GRAMD2A: variants seen among roughly 807,000 people sequenced by gnomAD.
GRAMD2A encodes GRAM domain-containing protein 2A.
In GRAMD2A, 37 loss-of-function variants were observed where a neutral mutation model predicts 51.1. The ratio of observed to expected loss-of-function variants is 0.72; its 90% CI spans 0.56 to 0.95. The LOEUF is 0.95. Ranked by LOEUF, GRAMD2A falls within the 40% of genes least tolerant of loss-of-function variation. GRAMD2A has a pLI of 0.00. For synonymous variants in GRAMD2A, 136 were observed against 157.1 expected, an observed-to-expected ratio of 0.87 and a Z score of 1.01; for missense variants, 414 against 426.9, an observed-to-expected ratio of 0.97 and a Z score of 0.27.
intron 1 of GRAMD2A, among the ~76,000 whole-genome samples, chr15:72,194,263 C>T (rs1006474249): frequency 6.6e-6 from 1 of 152,216 alleles, no homozygotes; most frequent in Non-Finnish European, 1.5e-5. Context: ...CACCAGATGT[C>T]AGAGTGGAAT....
intron 1 of GRAMD2A, among the ~76,000 whole-genome samples, chr15:72,174,160 A>G (rs1230167515): frequency 3.3e-5 from 5 of 152,106 alleles, no homozygotes; most frequent in Non-Finnish European, 5.9e-5. Flanking sequence ...TCTCCCCTGT[A>G]GTGTTTATTT....
intron 11 of GRAMD2A, 103 bp downstream of exon 11, chr15:72,162,170 G>T: frequency 2.2e-6 from 3 of 1,334,890 alleles, no homozygotes; most frequent in Non-Finnish European, 3.2e-6. Context: ...TCAGAAGCCA[G>T]CTCAAAACAG....
rs1433854696 is a variant in GRAMD2A at position 72,170,632 on chromosome 15, CTT to C, written c.42-695_42-694del. Among the ~76,000 whole-genome samples, 1 of 152,148 alleles carries C rather than the reference CTT, an allele frequency of 6.6e-6. No individual in the cohort carries two copies. Among genetic ancestry groups the C allele is most frequent in the Non-Finnish European group, 1.5e-5 (1 of 68,030 alleles). ...TGGGCAGGTCGGGCTCTCCAATGGC[CTT>C]TGAGTTCCTGCCTCCACTAATCGCT... On this transcript the variant is annotated intron_variant, in intron 1 of 11. Coordinates refer to ENST00000309731, the MANE Select transcript of GRAMD2A (RefSeq NM_001012642.3). The surrounding 1 kb of genome is among the most constrained non-coding windows in gnomAD (Gnocchi z 4.5).
rs983645268 is a variant in GRAMD2A at position 72,167,221 on chromosome 15, T to G, written c.373-129A>C. On this transcript the variant is annotated intron_variant, in intron 5 of 11. Coordinates refer to ENST00000309731, the MANE Select transcript of GRAMD2A (RefSeq NM_001012642.3). ...GGAAGCCTGGCCCCATGTGGGGAAG[T>G]CTCTGAACCTTCTACCTTTTCATCC... is the stretch of plus-strand genomic sequence containing the variant. The G allele has an allele frequency of 2.0e-5, 14 of 694,594 alleles. No individual in the cohort carries two copies. The African/African-American group carries it at 2.5e-4, about 12-fold the overall frequency. 43.0% of individuals were successfully genotyped at this position (694,594 alleles called of 1,614,324 possible). A position where few individuals can be genotyped will look rare whatever the true frequency, so the allele number is the denominator to read the frequency against.
At chr15:72,178,477 G>A (rs915671069) in intron 1 of GRAMD2A, among the ~76,000 whole-genome samples, 3 of 151,894 alleles carry the variant, frequency 2.0e-5, no homozygotes, top group African/African-American at 4.8e-5. Context: ...GAGAGAGGCA[G>A]GCTTATTATC....
intron 1 of GRAMD2A, among the ~76,000 whole-genome samples, chr15:72,172,583 A>G (rs1166348737): frequency 6.6e-6 from 1 of 151,652 alleles, no homozygotes; most frequent in Non-Finnish European, 1.5e-5. Flanking sequence ...CATCTGGCTA[A>G]TTTATTTATA....
intron 1 of GRAMD2A, among the ~76,000 whole-genome samples, chr15:72,184,943 C>G (rs973040911): frequency 6.6e-6 from 1 of 152,056 alleles, no homozygotes; most frequent in Non-Finnish European, 1.5e-5. Context: ...ATTTGGGCAC[C>G]AAAGTAGGCA....
intron 2 of GRAMD2A, chr15:72,169,298 T>C: frequency 2.0e-6 from 1 of 509,314 alleles, no homozygotes; most frequent in Admixed American, 3.2e-5. Context: ...CTGAGGAGCT[T>C]CCCACCTGGG....
Position 72,166,097 on chromosome 15 carries a change from G to A in GRAMD2A, c.543+535C>T, listed in dbSNP as rs2081541500. Among the ~76,000 whole-genome samples, 1 of 152,154 alleles carries A rather than the reference G, an allele frequency of 6.6e-6. No homozygotes were observed. Among genetic ancestry groups the A allele is most frequent in the African/African-American group, 2.4e-5 (1 of 41,434 alleles). ...TTGGCCAGGCTGGTCTCGAACTCTT[G>A]ACCTCAGGTGATCCACCTGCCTCGG... On this transcript the variant is annotated intron_variant, in intron 7 of 11. Coordinates refer to ENST00000309731, the MANE Select transcript of GRAMD2A (RefSeq NM_001012642.3). This position sits in a 1 kb window ranked among gnomAD's most constrained non-coding sequence, Gnocchi z 4.1.
At chr15:72,169,405 T>C (rs774577308) in intron 2 of GRAMD2A, 2 of 492,852 alleles carry the variant, frequency 4.1e-6, no homozygotes, top group Non-Finnish European at 7.9e-6. Context: ...GAGGTGAAGG[T>C]GTCAGACTCA....
intron 2 of GRAMD2A, chr15:72,169,553 G>A (rs1237277132): frequency 5.0e-6 from 3 of 594,580 alleles, no homozygotes; most frequent in Middle Eastern, 2.6e-4. Context: ...CACTGGGAGA[G>A]GGGGATGGCA....
chr15:72,169,033 C>T (rs1430250148), intron 2 of GRAMD2A, 37 bp from the exon 3 acceptor site: 1 of 1,584,928 alleles, frequency 6.3e-7, no homozygotes, highest in Non-Finnish European at 8.7e-7. Flanking sequence ...AACAAGGAAC[C>T]CCAGTCCTGC....
At chr15:72,193,540 C>G (rs2081783556) in intron 1 of GRAMD2A, among the ~76,000 whole-genome samples, 2 of 134,396 alleles carry the variant, frequency 1.5e-5, no homozygotes, top group Admixed American at 7.8e-5. Flanking sequence ...TTTTTTTTTT[C>G]GAGACGCAGT....
intron 7 of GRAMD2A, among the ~76,000 whole-genome samples, chr15:72,165,699 T>G (rs1391739560): frequency 6.6e-6 from 1 of 152,134 alleles, no homozygotes; most frequent in East Asian, 1.9e-4. Flanking sequence ...CTCCTATCTG[T>G]GCATTAAGGA....
chr15:72,170,530 C>G lies in GRAMD2A; in HGVS notation c.42-591G>C, dbSNP rs550215285. ...CCTCAGCCACCTTGGACAGTCAGGA[C>G]AGCTTGATGATGAGAGCCAAACCAT... On this transcript the variant is annotated intron_variant, in intron 1 of 11. Transcript: ENST00000309731. This position sits in a 1 kb window ranked among gnomAD's most constrained non-coding sequence, Gnocchi z 4.5. 6.6e-6 allele frequency among the ~76,000 whole-genome samples: 1 copy of G among 152,266 alleles called. No homozygotes were observed. Among genetic ancestry groups the G allele is most frequent in the Admixed American group, 6.5e-5 (1 of 15,298 alleles).
chr15:72,172,740 T>G (rs2081623106), intron 1 of GRAMD2A, among the ~76,000 whole-genome samples: 1 of 152,130 alleles, frequency 6.6e-6, no homozygotes, highest in Non-Finnish European at 1.5e-5. Flanking sequence ...CTGTAAATTC[T>G]TTATTGAGAA....
chr15:72,165,092 T>C (rs1221033807), intron 8 of GRAMD2A, among the ~76,000 whole-genome samples: 1 of 152,244 alleles, frequency 6.6e-6, no homozygotes, highest in African/African-American at 2.4e-5. Context: ...TGAGATGAGA[T>C]GGTGCCACTG....
At chr15:72,168,333 T>G (rs1241526965) in intron 4 of GRAMD2A, among the ~76,000 whole-genome samples, 158 bp downstream of exon 4, 1 of 152,168 alleles carries the variant, frequency 6.6e-6, no homozygotes, top group Non-Finnish European at 1.5e-5. Context: ...CAGCCCAGTC[T>G]TCTCACCAGC....
intron 1 of GRAMD2A, among the ~76,000 whole-genome samples, chr15:72,192,892 A>G (rs757850096): frequency 1.4e-4 from 21 of 152,178 alleles, no homozygotes; most frequent in Non-Finnish European, 2.9e-4. Flanking sequence ...TGGGAGGCCA[A>G]GGTGGGCGGA....
Sources: allele counts gnomAD v4.1 joint callset (sites outside exome capture counted in the v4.1 genomes callset), GRCh38; gene constraint gnomAD v4.1.1; non-coding constraint Gnocchi (gnomAD v3.1); transcripts MANE v1.5; gene names NCBI Gene and HGNC (gene_info 2026-07-23, HGNC 2026-07-21).